The following ADAM9 variants were observed in gnomAD, a reference collection of about 807,000 sequenced individuals.
ADAM9 encodes the protein disintegrin and metalloproteinase domain-containing protein 9.
A neutral mutation model predicts 108.1 loss-of-function variants in ADAM9; 54 were observed. That is an observed-to-expected ratio of 0.50 (90% CI 0.40 to 0.63). The LOEUF (loss-of-function observed/expected upper bound fraction) is 0.63. Among genes scored for constraint, ADAM9 ranks in the 20% least tolerant of loss-of-function variants. The probability of loss-of-function intolerance (pLI) is 0.00; values close to 1 mark genes in which losing one functional copy is unlikely to be tolerated. For synonymous variants in ADAM9, 316 were observed against 336.0 expected (o/e 0.94, Z 0.65); for missense variants, 830 against 997.7 (o/e 0.83, Z 2.26).
chr8:39,008,716 G>A (rs1393460895), intron 2 of ADAM9, among the ~76,000 whole-genome samples: 1 of 152,074 alleles, frequency 6.6e-6, no homozygotes, highest in African/African-American at 2.4e-5. Flanking sequence ...GAGTGATAAT[G>A]TGTTAAATGC....
intron 14 of ADAM9, among the ~76,000 whole-genome samples, chr8:39,067,788 A>G (rs1043336478): frequency 2.0e-5 from 3 of 152,192 alleles, no homozygotes; most frequent in Admixed American, 6.5e-5. Flanking sequence ...TATGTTGAAT[A>G]GGAGTGGTGA....
At chr8:39,034,505 G>T (rs1837206090) in intron 11 of ADAM9, among the ~76,000 whole-genome samples, 1 of 152,002 alleles carries the variant, frequency 6.6e-6, no homozygotes, top group African/African-American at 2.4e-5. Context: ...CTTCCATTTG[G>T]TATCCATTTT....
chr8:39,029,063 A>T (rs1564268415), intron 11 of ADAM9, among the ~76,000 whole-genome samples: 1 of 152,112 alleles, frequency 6.6e-6, no homozygotes, highest in African/African-American at 2.4e-5. Flanking sequence ...AAATATGAAG[A>T]TAACATGATT....
chr8:39,090,083 T>C lies in ADAM9; in HGVS notation c.2105T>C (p.Phe702Ser). The C allele has an allele frequency of 1.9e-6, 3 of 1,614,004 alleles. No homozygotes were observed. The highest frequency in any genetic ancestry group is 2.2e-5 in the South Asian group (2 of 91,076). Residue 702 changes from phenylalanine to serine, a missense_variant, in exon 19 of 22, where the codon TTC becomes TCC. Phe to Ser is a radical substitution (Grantham distance 155, BLOSUM62 -2). This residue lies in a region of ADAM9 where 238 missense variants were observed against 235.7 expected (regional missense o/e 1.01). Coordinates refer to ENST00000487273, the MANE Select transcript of ADAM9 (RefSeq NM_003816.3). The part of the protein sequence containing the change: ...NTALRDGLLV[F>S]FFLIVPLIVC... Reference sequence around the variant, plus strand: ...GCATTGAGGGACGGACTTCTGGTCTTCTTCTTCCTAATTGTTCCCCTTATT... The same window carrying C: ...GCATTGAGGGACGGACTTCTGGTCTCCTTCTTCCTAATTGTTCCCCTTATT...
chr8:39,016,193 AGG>A lies in ADAM9; in HGVS notation c.410_410+1del. On this transcript the variant is annotated splice_donor_variant and coding_sequence_variant, in exon 5 of 22. Coordinates refer to ENST00000487273, the MANE Select transcript of ADAM9 (RefSeq NM_003816.3). LOFTEE classifies it high-confidence loss of function. ...TGCTCTTAGCGACTGTTTTGGACTC[AGG>A]TAAGCAATTTCCTTTATCTTCTTTT... 1 of 1,612,782 alleles carries A rather than the reference AGG, an allele frequency of 6.2e-7. No homozygotes were observed. Among genetic ancestry groups the A allele is most frequent in the Non-Finnish European group, 8.5e-7 (1 of 1,178,844 alleles).
At chr8:39,075,460 C>T (rs552964018) in intron 15 of ADAM9, among the ~76,000 whole-genome samples, 2 of 152,232 alleles carry the variant, frequency 1.3e-5, no homozygotes, top group East Asian at 3.9e-4. Context: ...TATGGATGAT[C>T]CTTGCCTGAA....
At chr8:39,007,849 G>T in intron 1 of ADAM9, 37 bp from the exon 2 acceptor site, 1 of 1,453,954 alleles carries the variant, frequency 6.9e-7, no homozygotes, top group Non-Finnish European at 9.6e-7. Flanking sequence ...TAGTTTTTCA[G>T]TTTCACTTAT....
intron 11 of ADAM9, among the ~76,000 whole-genome samples, chr8:39,040,504 T>C (rs1236239175): frequency 6.6e-6 from 1 of 152,226 alleles, no homozygotes; most frequent in Admixed American, 6.5e-5. Flanking sequence ...TCTATTTAAG[T>C]CTTTTGTTCA....
intron 12 of ADAM9, among the ~76,000 whole-genome samples, chr8:39,045,570 G>GTGTGTGTGTATATA (rs1837738753): frequency 3.2e-5 from 3 of 95,208 alleles, no homozygotes; most frequent in African/African-American, 9.7e-5. Flanking sequence ...GTGTGTGTGT[G>GTGTGTGTGTATATA]TATATATATA....
At chr8:39,038,522 G>A (rs1837355053) in intron 11 of ADAM9, among the ~76,000 whole-genome samples, 1 of 151,960 alleles carries the variant, frequency 6.6e-6, no homozygotes, top group Non-Finnish European at 1.5e-5. Flanking sequence ...ACACCCCGTC[G>A]CCTTTTTTCC....
intron 7 of ADAM9, among the ~76,000 whole-genome samples, chr8:39,020,055 G>T (rs1836683703): frequency 6.6e-6 from 1 of 152,240 alleles, no homozygotes; most frequent in South Asian, 2.1e-4. Context: ...GGAGGCCGAG[G>T]CGGGCGGATC....
intron 16 of ADAM9, among the ~76,000 whole-genome samples, chr8:39,078,967 T>C (rs1016032232): frequency 2.6e-5 from 4 of 152,178 alleles, no homozygotes; most frequent in East Asian, 1.9e-4. Context: ...TGGGGTGTTA[T>C]TGAATGAGTC....
chr8:39,018,263 A>G (rs1050646442), intron 6 of ADAM9, among the ~76,000 whole-genome samples: 2 of 152,046 alleles, frequency 1.3e-5, no homozygotes, highest in African/African-American at 2.4e-5. Context: ...GCTGCTATCC[A>G]CTCTTTTGAC....
Position 39,105,215 on chromosome 8 carries a change from A to T in ADAM9, c.*1515A>T. On this transcript the variant is annotated 3_prime_UTR_variant, in exon 22 of 22. Transcript: ENST00000487273. The stretch of plus-strand genomic sequence containing the variant: ...TTCAGTTTTCTGAAGACAGCATGTT[A>T]TTTTAACAATCAAGTATACATATTA... 1 of 441,954 alleles carries T rather than the reference A, an allele frequency of 2.3e-6. No homozygotes were observed. The allele number at this position is 441,954 out of a possible 1,614,324, so 27.4% of individuals were successfully genotyped here.
chr8:39,100,013 G>A (rs1588439072), intron 20 of ADAM9, among the ~76,000 whole-genome samples: 2 of 150,874 alleles, frequency 1.3e-5, no homozygotes, highest in East Asian at 4.0e-4. Context: ...CTGAGTAGCT[G>A]GAATTACAGG....
chr8:39,020,249 C>T (rs915808181), intron 7 of ADAM9, among the ~76,000 whole-genome samples: 12 of 152,108 alleles, frequency 7.9e-5, no homozygotes, highest in Non-Finnish European at 1.2e-4. Context: ...GAGACTTCAT[C>T]TCAAAAAAAC....
intron 7 of ADAM9, 74 bp from the exon 8 acceptor site, chr8:39,021,569 G>A (rs772254459): frequency 3.3e-5 from 44 of 1,319,320 alleles, no homozygotes; most frequent in Non-Finnish European, 4.2e-5. Context: ...CAGGCATGAG[G>A]TACTGCACCC....
In ADAM9 at chr8:39,052,875, T is replaced by C. The variant is rs533282855; in HGVS notation, c.1303-1606T>C. Among the ~76,000 whole-genome samples, 4 of 152,314 alleles carry C rather than the reference T, an allele frequency of 2.6e-5. No homozygotes were observed. The South Asian group carries it at 8.3e-4, about 32-fold the overall frequency. ...CCCGGAGTAGAATGACTTGGTTAGA[T>C]GGTAGAGGTATTTAACTTTTCAAGA... On this transcript the variant is annotated intron_variant, in intron 12 of 21. Transcript: ENST00000487273.
intron 1 of ADAM9, among the ~76,000 whole-genome samples, chr8:39,002,572 C>G (rs891905553): frequency 3.9e-5 from 6 of 151,946 alleles, no homozygotes; most frequent in African/African-American, 1.4e-4. Flanking sequence ...CCGCCTGCCT[C>G]GGCCTCCCAA....
Sources: gnomAD v4.1 joint callset for allele counts (sites outside exome capture counted in the v4.1 genomes callset) on GRCh38, gnomAD v4.1.1 for gene constraint, gnomAD v4.1.1 regional missense constraint, MANE v1.5 for transcripts, NCBI Gene and HGNC (gene_info 2026-07-23, HGNC 2026-07-21) for gene names.